IDO2: variants seen among roughly 807,000 people sequenced by gnomAD.
The protein encoded by IDO2 is indoleamine 2,3-dioxygenase-like 1 protein.
IDO2 carries 46 observed loss-of-function variants against 45.1 expected under a neutral mutation model. That is an observed-to-expected ratio of 1.02 (90% CI 0.80 to 1.30). The LOEUF is 1.30. IDO2 is among the 50% of genes most tolerant of loss of function. The pLI, the probability that IDO2 is intolerant of heterozygous loss-of-function variation, is 0.00. For missense variants in IDO2, 544 were observed against 491.8 expected, an observed-to-expected ratio of 1.11 and a Z score of -1.00; for synonymous variants, 218 against 184.9, an observed-to-expected ratio of 1.18 and a Z score of -1.45.
chr8:39,949,007 C>G, intron 1 of IDO2, 142 bp from the exon 2 acceptor site: 2 of 1,057,910 alleles, frequency 1.9e-6, no homozygotes, highest in Non-Finnish European at 2.6e-6. Context: ...CAGAGAAAGT[C>G]CATGATGATC....
At chr8:39,957,159 T>C (rs922298100) in intron 2 of IDO2, among the ~76,000 whole-genome samples, 3 of 152,068 alleles carry the variant, frequency 2.0e-5, no homozygotes, top group Non-Finnish European at 2.9e-5. Context: ...AGCACTATCA[T>C]GGAAATATAT....
chr8:39,959,561 CCTG>C (rs1807962482), intron 2 of IDO2, among the ~76,000 whole-genome samples: 1 of 75,622 alleles, frequency 1.3e-5, no homozygotes, highest in Admixed American at 1.5e-4. Flanking sequence ...GTGGGTCACA[CCTG>C]TAATCTTAGC....
At chr8:39,942,284 G>A (rs1475539213) in intron 1 of IDO2, among the ~76,000 whole-genome samples, 2 of 152,202 alleles carry the variant, frequency 1.3e-5, no homozygotes, top group Non-Finnish European at 2.9e-5. Flanking sequence ...GCCAGGTGTT[G>A]AAAGGCCATG....
At chr8:39,936,183 G>T (rs1447472441) in intron 1 of IDO2, among the ~76,000 whole-genome samples, 1 of 152,150 alleles carries the variant, frequency 6.6e-6, no homozygotes, top group African/African-American at 2.4e-5. Context: ...TAAAGGATCT[G>T]GCTCTATTTT....
chr8:40,005,354 C>A, exon 9 of IDO2: 1 of 1,580,548 alleles, frequency 6.3e-7, no homozygotes, highest in South Asian at 1.2e-5. Context: ...ATATTTTATG[C>A]AGGCATCCGG....
At chr8:39,999,030 G>C (rs571401084) in intron 8 of IDO2, among the ~76,000 whole-genome samples, 1 of 152,124 alleles carries the variant, frequency 6.6e-6, no homozygotes, top group South Asian at 2.1e-4. Context: ...AGTGTCTGCT[G>C]GTGGTAAACT....
At chr8:39,996,687 T>A (rs955297790) in intron 8 of IDO2, among the ~76,000 whole-genome samples, 2 of 152,190 alleles carry the variant, frequency 1.3e-5, no homozygotes, top group Non-Finnish European at 2.9e-5. Context: ...CAGCTGGGAA[T>A]TACAGGCATG....
intron 1 of IDO2, among the ~76,000 whole-genome samples, chr8:39,938,406 C>T (rs930771200): frequency 2.0e-5 from 3 of 151,892 alleles, no homozygotes; most frequent in African/African-American, 7.3e-5. Flanking sequence ...ATCACTTTAT[C>T]CTTGATTTAT....
At chr8:39,982,679 T>C (rs755817505) in exon 5 of IDO2, 1 of 1,611,212 alleles carries the variant, frequency 6.2e-7, no homozygotes, top group Non-Finnish European at 8.5e-7. Flanking sequence ...TGCCCTTCCA[T>C]TTGTCGAAGT....
At chr8:40,002,114 T>C (rs926306370) in intron 8 of IDO2, among the ~76,000 whole-genome samples, 1 of 152,190 alleles carries the variant, frequency 6.6e-6, no homozygotes, top group Non-Finnish European at 1.5e-5. Flanking sequence ...TATTTTCTTC[T>C]AAAGTTGTTT....
chr8:40,005,144 G>A (rs949792647), intron 8 of IDO2, among the ~76,000 whole-genome samples, 183 bp from the exon 9 acceptor site: 9 of 152,162 alleles, frequency 5.9e-5, no homozygotes, highest in Non-Finnish European at 8.8e-5. Flanking sequence ...TAGAAGTTCC[G>A]GGAGCACCCA....
chr8:39,962,047 T>C (rs1280362312), intron 2 of IDO2, among the ~76,000 whole-genome samples: 3 of 152,226 alleles, frequency 2.0e-5, no homozygotes, highest in African/African-American at 4.8e-5. Flanking sequence ...CAACCATAGA[T>C]AGCATGTAAA....
At chr8:39,947,109 T>A (rs1487122767) in intron 1 of IDO2, among the ~76,000 whole-genome samples, 1 of 137,526 alleles carries the variant, frequency 7.3e-6, no homozygotes, top group Non-Finnish European at 1.5e-5. Context: ...TGAGCAGAGA[T>A]CGCGCCACTG....
chr8:40,016,216 G>A (rs987731174), exon 11 of IDO2: 1 of 398,068 alleles, frequency 2.5e-6, no homozygotes. Context: ...GTGGTACCTA[G>A]ATTTGCAAAT....
At chr8:39,943,573 TA>T (rs1807681381) in intron 1 of IDO2, among the ~76,000 whole-genome samples, 1 of 151,278 alleles carries the variant, frequency 6.6e-6, no homozygotes, top group East Asian at 2.0e-4. Context: ...CCGTCTCTAC[TA>T]AAAATACAAA....
rs139078808 is a variant in IDO2, at chr8:39,989,381, C to T, written c.550-340C>T. 3.3e-3 allele frequency among the ~76,000 whole-genome samples: 501 copies of T among 150,760 alleles called. 2 individuals are homozygous for T. The highest frequency in any genetic ancestry group is 0.012 in the African/African-American group (478 of 41,358). On this transcript the variant is annotated intron_variant, in intron 7 of 10. Coordinates refer to ENST00000502986, the Ensembl canonical transcript of IDO2. The stretch of plus-strand genomic sequence containing the variant: ...TAAATCTGACTTTATATGAGAGCTT[C>T]GGAGCAAGGATGCCCCAGTTGGAGA...
chr8:39,986,350 G>A (rs1015630242), intron 6 of IDO2: 9 of 152,246 alleles, frequency 5.9e-5, no homozygotes, highest in African/African-American at 2.2e-4. Flanking sequence ...CCAAACCTCA[G>A]CTTCTATCGC....
intron 1 of IDO2, among the ~76,000 whole-genome samples, chr8:39,938,326 A>T (rs966302788): frequency 6.6e-6 from 1 of 152,142 alleles, no homozygotes; most frequent in Non-Finnish European, 1.5e-5. Context: ...TGTGAGGAAA[A>T]CTATATATTT....
intron 3 of IDO2, among the ~76,000 whole-genome samples, chr8:39,971,326 GAA>G (rs1808176515): frequency 6.6e-6 from 1 of 152,166 alleles, no homozygotes; most frequent in East Asian, 1.9e-4. Flanking sequence ...CTACTGCTCA[GAA>G]AAAAATATTC....
Sources: allele counts gnomAD v4.1 joint callset (sites outside exome capture counted in the v4.1 genomes callset), GRCh38; gene constraint gnomAD v4.1.1; transcripts MANE v1.5; gene names NCBI Gene and HGNC (gene_info 2026-07-23, HGNC 2026-07-21).